PACRG: variants seen among roughly 807,000 people sequenced by gnomAD.
PACRG encodes the protein parkin coregulated, also known as parkin coregulated gene protein.
A neutral mutation model predicts 29.7 loss-of-function variants in PACRG; 29 were observed. The observed-to-expected ratio is 0.98, with a 90% CI of 0.73 to 1.33. The LOEUF is 1.33. Among genes scored for constraint, PACRG ranks in the 40% most tolerant of loss-of-function variants. The probability of loss-of-function intolerance (pLI) is 0.00; values close to 1 mark genes in which losing one functional copy is unlikely to be tolerated. For synonymous variants in PACRG, 116 were observed against 118.7 expected, an observed-to-expected ratio of 0.98 and a Z score of 0.15; for missense variants, 279 against 316.2, an observed-to-expected ratio of 0.88 and a Z score of 0.89.
chr6:162,897,876 C>T (rs759735419), intron 2 of PACRG, among the ~76,000 whole-genome samples: 3 of 152,124 alleles, frequency 2.0e-5, no homozygotes, highest in African/African-American at 4.8e-5. Context: ...GGTGCTTCTG[C>T]GGGAGGCAGG....
chr6:162,771,281 C>G (rs1783197455), intron 1 of PACRG, among the ~76,000 whole-genome samples: 1 of 152,128 alleles, frequency 6.6e-6, no homozygotes, highest in South Asian at 2.1e-4. Context: ...CAAGTACCTA[C>G]TAATATTTAA....
At chr6:163,226,620 A>G (rs916292106) in intron 4 of PACRG, among the ~76,000 whole-genome samples, 7 of 152,296 alleles carry the variant, frequency 4.6e-5, no homozygotes, top group Middle Eastern at 3.4e-3. Context: ...CTGTGCCTAT[A>G]CATTAGCCAG....
intron 2 of PACRG, among the ~76,000 whole-genome samples, chr6:162,873,281 T>A (rs1050130943): frequency 1.3e-5 from 2 of 151,584 alleles, no homozygotes; most frequent in African/African-American, 4.8e-5. Flanking sequence ...GTACCTACAA[T>A]AGTGCCCTGT....
intron 4 of PACRG, among the ~76,000 whole-genome samples, chr6:163,299,010 T>A (rs932415579): frequency 1.5e-4 from 23 of 152,210 alleles, no homozygotes; most frequent in Non-Finnish European, 2.4e-4. Flanking sequence ...CTTCTCACTC[T>A]GAAGTACTCT....
Position 162,967,935 on chromosome 6 carries a change from T to C in PACRG, c.292-94215T>C, listed in dbSNP as rs116305461. 1.6e-3 allele frequency among the ~76,000 whole-genome samples: 238 copies of C among 152,312 alleles called. 1 individual carries two copies. The highest frequency in any genetic ancestry group is 5.4e-3 in the African/African-American group (223 of 41,580). ...AATGCAAATTTTGAAAGCTAAATCA[T>C]TGTTTATATTTTAAAATATTCTATA... is the stretch of plus-strand genomic sequence containing the variant. On this transcript the variant is annotated intron_variant, in intron 2 of 4. Coordinates refer to ENST00000366888, the MANE Select transcript of PACRG (RefSeq NM_001080379.2).
chr6:162,802,631 G>C (rs1417833088), intron 1 of PACRG, among the ~76,000 whole-genome samples: 2 of 151,978 alleles, frequency 1.3e-5, no homozygotes, highest in Non-Finnish European at 2.9e-5. Context: ...GGGTAGAAAG[G>C]CTCCTATAGA....
chr6:162,843,927 G>A (rs1790065178), intron 2 of PACRG, among the ~76,000 whole-genome samples: 1 of 86,642 alleles, frequency 1.2e-5, no homozygotes, highest in East Asian at 3.1e-4. Flanking sequence ...AGGGGTCAGG[G>A]ACCCACTTGA....
chr6:163,102,336 G>A (rs764595556), intron 4 of PACRG, among the ~76,000 whole-genome samples: 5 of 152,220 alleles, frequency 3.3e-5, no homozygotes, highest in Admixed American at 2.6e-4. Flanking sequence ...CAAAAAGAGT[G>A]CTGTTTAGGC....
chr6:162,742,862 T>C (rs1192726087), intron 1 of PACRG, among the ~76,000 whole-genome samples: 1 of 152,068 alleles, frequency 6.6e-6, no homozygotes, highest in Non-Finnish European at 1.5e-5. Context: ...TCAAAGAATA[T>C]CTTCTTTGAA....
chr6:162,890,579 G>A (rs528208799), intron 2 of PACRG, among the ~76,000 whole-genome samples: 8 of 152,266 alleles, frequency 5.3e-5, no homozygotes, highest in Admixed American at 2.0e-4. Flanking sequence ...CACACTCAGC[G>A]CCTTAGCTTC....
At position 162,805,720 on chromosome 6, in the gene PACRG, A is replaced by C. The variant is rs1786263478; in HGVS notation, c.157-8427A>C. ...CTTTTTTATCATTTTGATAATGTTC[A>C]AAGTATCTTCACCAGGAGTAGATTC... is the stretch of plus-strand genomic sequence containing the variant. On this transcript the variant is annotated intron_variant, in intron 1 of 4. Transcript: ENST00000366888. Among the ~76,000 whole-genome samples the C allele has an allele frequency of 2.0e-5, 3 of 152,332 alleles. No homozygotes were observed. In the South Asian group the frequency reaches 6.2e-4, roughly 32 times the overall value.
At chr6:162,915,074 T>C (rs1162052075) in intron 2 of PACRG, among the ~76,000 whole-genome samples, 1 of 151,952 alleles carries the variant, frequency 6.6e-6, no homozygotes, top group African/African-American at 2.4e-5. Flanking sequence ...AAAGAGTGAA[T>C]CTTCTTCACC....
chr6:163,144,369 C>G (rs55831613), intron 4 of PACRG, among the ~76,000 whole-genome samples: 1 of 150,246 alleles, frequency 6.7e-6, no homozygotes, highest in Admixed American at 6.6e-5. Flanking sequence ...CACACACACA[C>G]AGTTATATTA....
Position 163,176,827 on chromosome 6 carries a change from G to A in PACRG, c.613+87419G>A, listed in dbSNP as rs569945673. Among the ~76,000 whole-genome samples, 7 of 152,320 alleles carry A rather than the reference G, an allele frequency of 4.6e-5. No individual in the cohort carries two copies. The South Asian group carries it at 1.2e-3, about 27-fold the overall frequency. On this transcript the variant is annotated intron_variant, in intron 4 of 4. Coordinates refer to ENST00000366888, the MANE Select transcript of PACRG (RefSeq NM_001080379.2). ...GAACATAAACAACAAATTTGCAGCC[G>A]AAGTTGCATGGAAAAGGCTGGAGAG...
chr6:163,224,854 T>C lies in PACRG; in HGVS notation c.614-89973T>C, dbSNP rs1157566555. On this transcript the variant is annotated intron_variant, in intron 4 of 4. Coordinates refer to ENST00000366888, the MANE Select transcript of PACRG (RefSeq NM_001080379.2). The stretch of plus-strand genomic sequence containing the variant: ...AAGCAAAACTAGATAAATGGGATTA[T>C]ATCAAACTAAAAAGCTTCTGTACAG... 4.6e-5 allele frequency among the ~76,000 whole-genome samples: 7 copies of C among 152,130 alleles called. No individual in the cohort carries two copies. The East Asian group carries it at 9.6e-4, about 21-fold the overall frequency.
intron 2 of PACRG, among the ~76,000 whole-genome samples, chr6:163,049,100 C>G (rs1460426574): frequency 6.6e-6 from 1 of 151,906 alleles, no homozygotes; most frequent in African/African-American, 2.4e-5. Flanking sequence ...TGTAAAGGGA[C>G]CAGCCTACCA....
rs145507392 is a variant in PACRG at position 162,815,452 on chromosome 6, A to G, written c.291+1171A>G. 5.2e-3 allele frequency among the ~76,000 whole-genome samples: 789 copies of G among 150,440 alleles called. 9 individuals are homozygous for G. Among genetic ancestry groups the G allele is most frequent in the African/African-American group, 0.018 (753 of 40,796 alleles). On this transcript the variant is annotated intron_variant, in intron 2 of 4. Coordinates refer to ENST00000366888, the MANE Select transcript of PACRG (RefSeq NM_001080379.2). ...TTCATATTGTTATCAAACATTTCTA[A>G]TTCTTGAGCAGTCATCCAATATCAG...
At chr6:163,274,138 G>C (rs891003719) in intron 4 of PACRG, among the ~76,000 whole-genome samples, 1 of 151,836 alleles carries the variant, frequency 6.6e-6, no homozygotes, top group African/African-American at 2.4e-5. Flanking sequence ...CCATTAACTC[G>C]TCATTTACAT....
chr6:163,124,448 T>C (rs931200973), intron 4 of PACRG, among the ~76,000 whole-genome samples: 1 of 152,242 alleles, frequency 6.6e-6, no homozygotes, highest in Non-Finnish European at 1.5e-5. Context: ...GTTGAATTTC[T>C]AAATTCTGGA....
Sources: allele counts gnomAD v4.1 joint callset (sites outside exome capture counted in the v4.1 genomes callset), GRCh38; gene constraint gnomAD v4.1.1; transcripts MANE v1.5; gene names NCBI Gene and HGNC (gene_info 2026-07-23, HGNC 2026-07-21).